The following LGR6 variants were observed in gnomAD, a reference collection of about 807,000 sequenced individuals.
The protein encoded by LGR6 is leucine rich repeat containing G protein-coupled receptor 6, also known as leucine-rich repeat-containing G protein-coupled receptor 6.
A neutral mutation model predicts 69.4 loss-of-function variants in LGR6; 45 were observed. The ratio of observed to expected loss-of-function variants is 0.65; its 90% CI spans 0.51 to 0.83. The LOEUF is 0.83. Ranked by LOEUF, LGR6 falls within the 40% of genes least tolerant of loss-of-function variation. The pLI, the probability that LGR6 is intolerant of heterozygous loss-of-function variation, is 0.00. For missense variants in LGR6, 1,108 were observed against 1,246.7 expected (o/e 0.89, Z 1.68); for synonymous variants, 538 against 555.0 (o/e 0.97, Z 0.43).
intron 1 of LGR6, among the ~76,000 whole-genome samples, chr1:202,214,669 C>T (rs141220430): frequency 3.3e-5 from 5 of 152,276 alleles, no homozygotes; most frequent in African/African-American, 4.8e-5. Context: ...AATAATGCTT[C>T]GTTCCCTGAC....
At chr1:202,216,738 G>A (rs748004001) in intron 1 of LGR6, among the ~76,000 whole-genome samples, 106 of 152,260 alleles carry the variant, frequency 7.0e-4, no homozygotes, top group Non-Finnish European at 1.2e-3. Context: ...CTGTGGCTCC[G>A]GCTGGGCCTG....
chr1:202,263,757 G>A (rs572411259), intron 4 of LGR6, among the ~76,000 whole-genome samples: 1 of 152,262 alleles, frequency 6.6e-6, no homozygotes, highest in Admixed American at 6.5e-5. Flanking sequence ...TCAAAGAGGG[G>A]CATCAACCTA....
chr1:202,255,888 GAT>G (rs918539964), intron 4 of LGR6, among the ~76,000 whole-genome samples: 5 of 152,174 alleles, frequency 3.3e-5, no homozygotes, highest in Non-Finnish European at 5.9e-5. Flanking sequence ...TAACAATTGA[GAT>G]ATAATTTACA....
intron 4 of LGR6, among the ~76,000 whole-genome samples, chr1:202,261,904 A>G (rs1664266588): frequency 6.6e-6 from 1 of 152,166 alleles, no homozygotes; most frequent in Non-Finnish European, 1.5e-5. Flanking sequence ...GTCTGTTCAT[A>G]TCCTTTGCCT....
At chr1:202,224,099 G>A (rs2147948238) in intron 1 of LGR6, among the ~76,000 whole-genome samples, 1 of 152,120 alleles carries the variant, frequency 6.6e-6, no homozygotes, top group South Asian at 2.1e-4. Context: ...CTGCAGAGGA[G>A]AGATGTGACC....
chr1:202,198,886 G>A (rs1043671494), intron 1 of LGR6, among the ~76,000 whole-genome samples: 5 of 152,052 alleles, frequency 3.3e-5, no homozygotes, highest in South Asian at 2.1e-4. Flanking sequence ...GGGTGCCAAC[G>A]TGCCAGGTCT....
At chr1:202,260,213 A>C (rs1335451980) in intron 4 of LGR6, among the ~76,000 whole-genome samples, 1 of 151,322 alleles carries the variant, frequency 6.6e-6, no homozygotes. Context: ...TAATTTTTGT[A>C]TTTTTAGTAG....
At chr1:202,289,168 C>G (rs1039721070) in intron 6 of LGR6, among the ~76,000 whole-genome samples, 3 of 152,180 alleles carry the variant, frequency 2.0e-5, no homozygotes, top group African/African-American at 7.2e-5. Context: ...TTCCAGCTGA[C>G]AGGATGAGGG....
chr1:202,252,333 C>T (rs1663332977), intron 4 of LGR6, among the ~76,000 whole-genome samples: 2 of 152,138 alleles, frequency 1.3e-5, no homozygotes, highest in African/African-American at 2.4e-5. Context: ...TCAATACAGC[C>T]CTCTCCTCCT....
Position 202,318,460 on chromosome 1 carries a change from C to G in LGR6, c.2157C>G (p.Pro719=), listed in dbSNP as rs755750351. 1 of 1,613,292 alleles carries G rather than the reference C, an allele frequency of 6.2e-7. No homozygotes were observed. Among genetic ancestry groups the G allele is most frequent in the South Asian group, 1.1e-5 (1 of 91,054 alleles). ...GEYGASPLCL[P]YAPPEGQPAA... is the part of the protein sequence containing the mutation. ...ACGGGGCCTCCCCACTCTGCCTGCC[C>G]TACGCGCCACCTGAGGGTCAGCCAG... Residue 719 remains proline (P), a synonymous_variant, in exon 18 of 18, where the codon CCC becomes CCG. Coordinates refer to ENST00000367278, the MANE Select transcript of LGR6 (RefSeq NM_001017403.2).
chr1:202,254,007 G>A (rs1434381423), intron 4 of LGR6, among the ~76,000 whole-genome samples: 4 of 150,210 alleles, frequency 2.7e-5, no homozygotes, highest in East Asian at 2.0e-4. Flanking sequence ...GGGTTTCACC[G>A]TTTTAGCCGG....
At chr1:202,314,688 C>T in intron 16 of LGR6, 114 bp from the exon 17 acceptor site, 2 of 735,178 alleles carry the variant, frequency 2.7e-6, no homozygotes, top group Non-Finnish European at 4.9e-6. Context: ...CTAGAATGAA[C>T]AGTGCTGAGC....
intron 1 of LGR6, among the ~76,000 whole-genome samples, chr1:202,195,591 C>T (rs1054487034): frequency 2.6e-5 from 4 of 152,304 alleles, no homozygotes; most frequent in South Asian, 2.1e-4. Context: ...AGAGCCTGGG[C>T]GCTCAGCATC....
chr1:202,215,953 T>C (rs1659754883), intron 1 of LGR6, among the ~76,000 whole-genome samples: 1 of 152,218 alleles, frequency 6.6e-6, no homozygotes, highest in African/African-American at 2.4e-5. Context: ...GAGGAAGCCC[T>C]GTGACACTTA....
chr1:202,254,416 C>A (rs1352260812), intron 4 of LGR6, among the ~76,000 whole-genome samples: 1 of 152,190 alleles, frequency 6.6e-6, no homozygotes, highest in African/African-American at 2.4e-5. Flanking sequence ...GGCTTTGCTG[C>A]AAAACTAGTT....
chr1:202,310,094 C>A, intron 15 of LGR6, 103 bp from the exon 16 acceptor site: 2 of 1,177,898 alleles, frequency 1.7e-6, no homozygotes, highest in Non-Finnish European at 2.4e-6. Flanking sequence ...GAAGGACAGA[C>A]ACTGAGTGCC....
chr1:202,221,242 G>A (rs1265985306), intron 1 of LGR6, among the ~76,000 whole-genome samples: 3 of 152,106 alleles, frequency 2.0e-5, no homozygotes, highest in South Asian at 2.1e-4. Flanking sequence ...AGATTGCCTC[G>A]GCGGAGGGTC....
chr1:202,230,619 G>A (rs190082068), intron 3 of LGR6, among the ~76,000 whole-genome samples: 11 of 152,316 alleles, frequency 7.2e-5, no homozygotes, highest in Admixed American at 1.3e-4. Context: ...ATCTTGACCC[G>A]TGGACTAAGG....
At chr1:202,259,022 T>C (rs1664015679) in intron 4 of LGR6, among the ~76,000 whole-genome samples, 1 of 152,048 alleles carries the variant, frequency 6.6e-6, no homozygotes, top group African/African-American at 2.4e-5. Context: ...TGTTGCTGAG[T>C]GGTTTTTTTA....
Sources: allele counts gnomAD v4.1 joint callset (sites outside exome capture counted in the v4.1 genomes callset), GRCh38; gene constraint gnomAD v4.1.1; transcripts MANE v1.5; gene names NCBI Gene and HGNC (gene_info 2026-07-23, HGNC 2026-07-21).